AXL: variants seen among roughly 807,000 people sequenced by gnomAD.
AXL encodes tyrosine-protein kinase receptor UFO.
A neutral mutation model predicts 104.5 loss-of-function variants in AXL; 52 were observed. The observed-to-expected ratio is 0.50, with a 90% confidence interval of 0.40 to 0.63. The LOEUF (loss-of-function observed/expected upper bound fraction) is 0.63, where lower values mean the gene tolerates loss of function less well. Among genes scored for constraint, AXL ranks in the 20% least tolerant of loss-of-function variants. AXL has a pLI of 0.00. For missense variants in AXL, 1,024 were observed against 1,188.5 expected (o/e 0.86, Z 2.04); for synonymous variants, 455 against 473.7 (o/e 0.96, Z 0.51).
intron 18 of AXL, 118 bp from the exon 19 acceptor site, chr19:41,257,375 G>A: frequency 7.4e-7 from 1 of 1,357,412 alleles, no homozygotes; most frequent in Non-Finnish European, 1.0e-6. Flanking sequence ...TACTTGTGAT[G>A]CTCCCAGAGG....
chr19:41,259,818 G>A lies in AXL; in HGVS notation c.2599G>A (p.Val867Ile), dbSNP rs1183795663. 1.9e-6 allele frequency: 3 copies of A among 1,613,926 alleles called. No homozygotes were observed. In the South Asian group the frequency reaches 3.3e-5, roughly 18 times the overall value. ...AAEVHPAGRY[V>I]LCPSTTPSPA... The stretch of plus-strand genomic sequence containing the variant: ...TGAGGTCCATCCTGCTGGACGCTAT[G>A]TCCTCTGCCCTTCCACAACCCCTAG... The change falls in exon 20 of 20, where the codon GTC becomes ATC. Residue 867 changes from valine to isoleucine, a missense_variant. Coordinates refer to ENST00000301178, the MANE Select transcript of AXL (RefSeq NM_021913.5).
chr19:41,233,841 C>A (rs531334331), intron 6 of AXL, among the ~76,000 whole-genome samples: 1 of 151,798 alleles, frequency 6.6e-6, no homozygotes, highest in Admixed American at 6.6e-5. Context: ...TGCACTCTAC[C>A]CACATCACCA....
Position 41,242,977 on chromosome 19 carries a change from C to T in AXL, c.1407C>T (p.Leu469=). 6.2e-7 allele frequency: 1 copy of T among 1,614,218 alleles called. No homozygotes were observed. Among genetic ancestry groups the T allele is most frequent in the Non-Finnish European group, 8.5e-7 (1 of 1,180,046 alleles). ...VAAACVLILA[L]FLVHRRKKET... ...CTGCCTGTGTCCTCATCTTGGCTCT[C>T]TTCCTTGTCCACCGGCGAAAGAAGG... The change falls in exon 11 of 20, where the codon CTC becomes CTT. Residue 469 remains leucine (L), a synonymous_variant. Coordinates refer to ENST00000301178, the MANE Select transcript of AXL (RefSeq NM_021913.5).
Position 41,260,014 on chromosome 19 carries a change from C to T in AXL, c.*110C>T. 9.7e-7 allele frequency: 1 copy of T among 1,027,722 alleles called. No homozygotes were observed. Among genetic ancestry groups the T allele is most frequent in the South Asian group, 1.7e-5 (1 of 58,224 alleles). The allele number at this position is 1,027,722 out of a possible 1,614,324, so 63.7% of individuals were successfully genotyped here. On this transcript the variant is annotated 3_prime_UTR_variant, in exon 20 of 20. Coordinates refer to ENST00000301178, the MANE Select transcript of AXL (RefSeq NM_021913.5). ...CCACGCCTTATCCCCACTTGCAGCCCTGTCTTCCTACCTATCCCACCTCCA... is the reference window on the plus strand; with the variant it reads ...CCACGCCTTATCCCCACTTGCAGCCTTGTCTTCCTACCTATCCCACCTCCA...
chr19:41,246,045 C>T (rs1314639086), intron 12 of AXL, among the ~76,000 whole-genome samples: 2 of 152,212 alleles, frequency 1.3e-5, no homozygotes, highest in Non-Finnish European at 2.9e-5. Context: ...TTTGCTTTCT[C>T]ATTCTCTCAT....
Position 41,253,699 on chromosome 19 carries a change from G to A in AXL, c.2027G>A (p.Arg676Lys), listed in dbSNP as rs2122280574. The A allele has an allele frequency of 1.2e-6, 2 of 1,611,050 alleles. No individual in the cohort carries two copies. Among genetic ancestry groups the A allele is most frequent in the Admixed American group, 3.4e-5 (2 of 59,666 alleles). Residue 676 changes from arginine (R) to lysine (K), a missense_variant, in exon 17 of 20, where the codon AGG becomes AAG. Physicochemically the swap from Arg to Lys is conservative, Grantham distance 26. This residue lies in a region of AXL where 523 missense variants were observed against 636.0 expected (regional missense o/e 0.82). Transcript: ENST00000301178. The stretch of plus-strand genomic sequence containing the variant: ...TTCATACACCGGGACCTGGCGGCCA[G>A]GAACTGCATGTGAGTGCCTTTCAGG... ...KRFIHRDLAA[R>K]NCMLNENMSV...
intron 10 of AXL, among the ~76,000 whole-genome samples, chr19:41,242,571 C>G (rs1268509384): frequency 1.3e-5 from 2 of 152,042 alleles, no homozygotes; most frequent in East Asian, 3.9e-4. Context: ...CTCAAGTAAC[C>G]CACCCGCCTT....
intron 8 of AXL, 107 bp from the exon 9 acceptor site, chr19:41,239,057 G>A: frequency 7.6e-7 from 1 of 1,311,898 alleles, no homozygotes; most frequent in Admixed American, 2.1e-5. Flanking sequence ...AGGAGTTGGA[G>A]GATGGGGAGA....
At chr19:41,242,775 G>A in intron 10 of AXL, 108 bp from the exon 11 acceptor site, 2 of 1,412,816 alleles carry the variant, frequency 1.4e-6, no homozygotes. Context: ...TCAAGTATGT[G>A]CACATCTTTG....
rs138254229 is a variant in AXL, at chr19:41,245,793, T to C, written c.1537+2086T>C. ...CCAGAAAGAAAATGGAAGAGCTAGG[T>C]CTCTTCCTAGCATACAGCGAGAAAG... On this transcript the variant is annotated intron_variant, in intron 12 of 19. Coordinates refer to ENST00000301178, the MANE Select transcript of AXL (RefSeq NM_021913.5). Among the ~76,000 whole-genome samples, 122 of 150,450 alleles carry C rather than the reference T, an allele frequency of 8.1e-4. 3 individuals are homozygous for C. The East Asian group carries it at 0.022, about 27-fold the overall frequency.
chr19:41,252,409 G>A lies in AXL; in HGVS notation c.1770G>A (p.Lys590=). The A allele has an allele frequency of 6.2e-7, 1 of 1,614,014 alleles. No homozygotes were observed. The change falls in exon 15 of 20, where the codon AAG becomes AAA. Residue 590 remains lysine, a synonymous_variant. Transcript: ENST00000301178. The part of the protein sequence containing the change: ...EDFLSEAVCM[K]EFDHPNVMRL... ...TCCTGAGTGAAGCGGTCTGCATGAA[G>A]GAATTTGACCATCCCAACGTCATGA...
chr19:41,239,400 G>A (rs1185382326), intron 9 of AXL, 86 bp downstream of exon 9: 3 of 1,502,480 alleles, frequency 2.0e-6, no homozygotes, highest in East Asian at 2.3e-5. Context: ...CAGTGTTACC[G>A]CAACTTAGGC....
chr19:41,220,511 C>A, intron 1 of AXL, 125 bp from the exon 2 acceptor site: 1 of 777,220 alleles, frequency 1.3e-6, no homozygotes. Flanking sequence ...GGTCACTCTG[C>A]AACTATGTCG....
At chr19:41,224,381 A>AT (rs1418816164) in intron 4 of AXL, among the ~76,000 whole-genome samples, 3 of 150,670 alleles carry the variant, frequency 2.0e-5, no homozygotes, top group Non-Finnish European at 4.4e-5. Flanking sequence ...TTTCCCCCTT[A>AT]TTTTTTTTCA....
intron 4 of AXL, among the ~76,000 whole-genome samples, chr19:41,226,365 G>A (rs566472367): frequency 1.3e-5 from 2 of 152,170 alleles, no homozygotes; most frequent in African/African-American, 4.8e-5. Context: ...CACTCGGGCC[G>A]CCCGCCCGGG....
chr19:41,237,303 T>C (rs528413383), intron 6 of AXL, among the ~76,000 whole-genome samples: 1 of 152,308 alleles, frequency 6.6e-6, no homozygotes, highest in South Asian at 2.1e-4. Flanking sequence ...AGTGCAGTGG[T>C]GTGATCTTAG....
intron 16 of AXL, 118 bp from the exon 17 acceptor site, chr19:41,253,481 T>A (rs919483308): frequency 8.0e-6 from 6 of 747,242 alleles, no homozygotes; most frequent in Non-Finnish European, 1.4e-5. Context: ...TGGGTTGAAT[T>A]GTCAGGGCCA....
intron 11 of AXL, 81 bp downstream of exon 11, chr19:41,243,096 C>CAGG: frequency 6.3e-7 from 1 of 1,585,690 alleles, no homozygotes; most frequent in Admixed American, 1.7e-5. Context: ...GAGGCTGGTG[C>CAGG]AGGAGGAGTG....
chr19:41,242,315 CTTTTTTT>C (rs574315254), intron 10 of AXL, among the ~76,000 whole-genome samples: 75 of 83,876 alleles, frequency 8.9e-4, no homozygotes, highest in South Asian at 3.4e-3. Flanking sequence ...CTGGCACTCT[CTTTTTTT>C]TTTTTTTTTT....
Sources: allele counts gnomAD v4.1 joint callset (sites outside exome capture counted in the v4.1 genomes callset), GRCh38; gene constraint gnomAD v4.1.1; regional missense constraint gnomAD v4.1.1; transcripts MANE v1.5; gene names NCBI Gene and HGNC (gene_info 2026-07-23, HGNC 2026-07-21).